The following ADCY2 variants were observed in gnomAD, a reference collection of about 807,000 sequenced individuals.
The protein encoded by ADCY2 is adenylate cyclase 2.
Under a neutral mutation model 125.2 loss-of-function variants are expected in ADCY2, and 31 were observed. The observed-to-expected ratio is 0.25, with a 90% CI of 0.19 to 0.33. The LOEUF is 0.33. Ranked by LOEUF, ADCY2 falls within the 10% of genes least tolerant of loss-of-function variation. The pLI is 1.00. For synonymous variants in ADCY2, 512 were observed against 548.4 expected (o/e 0.93, Z 0.93); for missense variants, 904 against 1,418.2 (o/e 0.64, Z 5.82).
chr5:7,558,854 T>C (rs1735620471), intron 3 of ADCY2, among the ~76,000 whole-genome samples: 1 of 152,198 alleles, frequency 6.6e-6, no homozygotes, highest in African/African-American at 2.4e-5. Flanking sequence ...TGAGTTAATT[T>C]TTTTGTGTGG....
At chr5:7,418,972 A>G (rs1240480946) in intron 2 of ADCY2, among the ~76,000 whole-genome samples, 1 of 152,010 alleles carries the variant, frequency 6.6e-6, no homozygotes, top group East Asian at 1.9e-4. Flanking sequence ...TTTACTACAG[A>G]CTTCATATAT....
At chr5:7,573,664 G>C (rs1579587608) in intron 3 of ADCY2, among the ~76,000 whole-genome samples, 1 of 138,076 alleles carries the variant, frequency 7.2e-6, no homozygotes, top group Admixed American at 7.9e-5. Flanking sequence ...ACAGTACAAA[G>C]CTTCCACAGC....
At position 7,816,894 on chromosome 5, in the gene ADCY2, G is replaced by C; in HGVS notation, c.2912G>C (p.Gly971Ala). Residue 971 changes from glycine to alanine, a missense_variant, in exon 23 of 25, where the codon GGC becomes GCC. Coordinates refer to ENST00000338316, the MANE Select transcript of ADCY2 (RefSeq NM_020546.3). ...CCCGAGCGGCAGTACATGCACATTG[G>C]CACCATGGTGGAGTTTGCTTTTGCC... The part of the protein sequence containing the change: ...QEPERQYMHI[G>A]TMVEFAFALV... 6.2e-7 allele frequency: 1 copy of C among 1,614,174 alleles called. No homozygotes were observed. The highest frequency in any genetic ancestry group is 1.1e-5 in the South Asian group (1 of 91,078).
chr5:7,488,741 G>A (rs1743038907), intron 2 of ADCY2, among the ~76,000 whole-genome samples: 1 of 152,208 alleles, frequency 6.6e-6, no homozygotes, highest in African/African-American at 2.4e-5. Flanking sequence ...CCCTTCCCAC[G>A]AGGCCAGTGT....
rs543014910 is a variant in ADCY2 at position 7,405,482 on chromosome 5, C to G, written c.210+8976C>G. On this transcript the variant is annotated intron_variant, in intron 1 of 24. Transcript: ENST00000338316. ...TGTGTGTGGACAGCTGGCAGGCTAT[C>G]CACCATGGCTGTTGAGTGGGGTGCC... Among the ~76,000 whole-genome samples, 15 of 152,288 alleles carry G rather than the reference C, an allele frequency of 9.8e-5. No individual in the cohort carries two copies. In the East Asian group the frequency reaches 2.3e-3, roughly 24 times the overall value.
chr5:7,669,333 C>A (rs1056450581), intron 4 of ADCY2, among the ~76,000 whole-genome samples: 9 of 152,140 alleles, frequency 5.9e-5, no homozygotes, highest in African/African-American at 2.2e-4. Context: ...CAGGAGTTCC[C>A]AGATGGACAC....
At chr5:7,567,630 A>G (rs545107451) in intron 3 of ADCY2, among the ~76,000 whole-genome samples, 1 of 152,296 alleles carries the variant, frequency 6.6e-6, no homozygotes, top group East Asian at 1.9e-4. Context: ...TGTTGAGTTT[A>G]GCTTTATTTA....
intron 24 of ADCY2, among the ~76,000 whole-genome samples, chr5:7,822,920 A>G (rs1413756295): frequency 6.6e-6 from 1 of 152,206 alleles, no homozygotes; most frequent in Non-Finnish European, 1.5e-5. Flanking sequence ...ATAAATCCCT[A>G]TAGTGTGTGT....
At chr5:7,566,796 G>A (rs1191768806) in intron 3 of ADCY2, among the ~76,000 whole-genome samples, 1 of 152,140 alleles carries the variant, frequency 6.6e-6, no homozygotes, top group Non-Finnish European at 1.5e-5. Context: ...TTGTCCACAT[G>A]TTCTGGGATT....
chr5:7,481,365 C>T (rs1489466466), intron 2 of ADCY2, among the ~76,000 whole-genome samples: 1 of 152,166 alleles, frequency 6.6e-6, no homozygotes, highest in African/African-American at 2.4e-5. Flanking sequence ...CTCCCGGGTT[C>T]ACGCCATTCT....
At chr5:7,787,553 G>A (rs1744119557) in intron 19 of ADCY2, among the ~76,000 whole-genome samples, 1 of 152,038 alleles carries the variant, frequency 6.6e-6, no homozygotes, top group Admixed American at 6.6e-5. Context: ...TTTTTGAGGG[G>A]GCCTTTCATA....
chr5:7,759,981 G>A (rs1160627645), intron 16 of ADCY2, among the ~76,000 whole-genome samples: 17 of 152,186 alleles, frequency 1.1e-4, no homozygotes, highest in Non-Finnish European at 1.5e-5. Context: ...CAGCCTCAGG[G>A]TGGGGAACTC....
At chr5:7,501,646 T>TCCCCCCCCC (rs60705318) in intron 2 of ADCY2, among the ~76,000 whole-genome samples, 19 of 40,546 alleles carry the variant, frequency 4.7e-4, no homozygotes, top group African/African-American at 7.9e-4. Context: ...GATTCCCCCC[T>TCCCCCCCCC]CCCCCCCCCC....
intron 3 of ADCY2, among the ~76,000 whole-genome samples, chr5:7,523,217 G>A (rs1230208567): frequency 6.6e-6 from 1 of 151,660 alleles, no homozygotes; most frequent in African/African-American, 2.4e-5. Context: ...GGAAAAGGAA[G>A]TACTGCATGA....
At chr5:7,640,714 C>A (rs1216651679) in intron 4 of ADCY2, among the ~76,000 whole-genome samples, 1 of 151,666 alleles carries the variant, frequency 6.6e-6, no homozygotes, top group Non-Finnish European at 1.5e-5. Context: ...AGAGGGAAGC[C>A]TAGAGCAGGT....
intron 4 of ADCY2, among the ~76,000 whole-genome samples, chr5:7,637,251 C>A (rs545706082): frequency 2.8e-4 from 43 of 152,162 alleles, no homozygotes; most frequent in African/African-American, 1.0e-3. Flanking sequence ...AGGCGGATCA[C>A]CTGAGGTCAG....
intron 18 of ADCY2, among the ~76,000 whole-genome samples, chr5:7,781,388 G>GGT (rs1479679443): frequency 6.6e-6 from 1 of 152,198 alleles, no homozygotes; most frequent in African/African-American, 2.4e-5. Flanking sequence ...GTTAAGATGA[G>GGT]GTCATGCTGA....
intron 3 of ADCY2, among the ~76,000 whole-genome samples, chr5:7,555,776 A>G (rs1373331535): frequency 6.6e-6 from 1 of 151,954 alleles, no homozygotes; most frequent in Non-Finnish European, 1.5e-5. Context: ...ATATGTTTTC[A>G]TAATGAGACT....
intron 14 of ADCY2, among the ~76,000 whole-genome samples, chr5:7,729,321 C>T (rs1297861652): frequency 6.6e-6 from 1 of 152,068 alleles, no homozygotes; most frequent in East Asian, 1.9e-4. Flanking sequence ...CCTGTGTGCT[C>T]TTTACTGTAG....
Sources: gnomAD v4.1 joint callset for allele counts (sites outside exome capture counted in the v4.1 genomes callset) on GRCh38, gnomAD v4.1.1 for gene constraint, MANE v1.5 for transcripts, NCBI Gene and HGNC (gene_info 2026-07-23, HGNC 2026-07-21) for gene names.